Variants in CDK17 observed in about 807,000 individuals in gnomAD.
CDK17 encodes the protein cyclin dependent kinase 17.
A neutral mutation model predicts 77.6 loss-of-function variants in CDK17; 24 were observed. The ratio of observed to expected loss-of-function variants is 0.31; its 90% CI spans 0.22 to 0.44. The LOEUF is 0.44. CDK17 is among the 20% of genes least tolerant of loss of function. CDK17 has a pLI of 1.00. For missense variants in CDK17, 429 were observed against 622.5 expected (o/e 0.69, Z 3.31); for synonymous variants, 203 against 210.4 (o/e 0.96, Z 0.30).
chr12:96,286,652 T>A lies in CDK17; in HGVS notation c.1216+12A>T. Reference sequence around the variant, plus strand: ...GGGTGCAAAATCACTGGGAAAAGATTTCTTCTGTTACCTAGCAGTCGGAAA... The same window carrying A: ...GGGTGCAAAATCACTGGGAAAAGATATCTTCTGTTACCTAGCAGTCGGAAA... On this transcript the variant is annotated intron_variant, in intron 12 of 16. Coordinates refer to ENST00000261211, the MANE Select transcript of CDK17 (RefSeq NM_002595.5). The A allele has an allele frequency of 6.3e-7, 1 of 1,598,064 alleles. No individual in the cohort carries two copies. Among genetic ancestry groups the A allele is most frequent in the Non-Finnish European group, 8.6e-7 (1 of 1,165,780 alleles).
chr12:96,287,680 T>G (rs1952264696), intron 11 of CDK17, among the ~76,000 whole-genome samples: 1 of 150,896 alleles, frequency 6.6e-6, no homozygotes, highest in Non-Finnish European at 1.5e-5. Flanking sequence ...GAGAGAGAGA[T>G]AATTGAAAGC....
chr12:96,298,070 C>A (rs1592711500), intron 7 of CDK17, among the ~76,000 whole-genome samples: 1 of 152,042 alleles, frequency 6.6e-6, no homozygotes, highest in Non-Finnish European at 1.5e-5. Flanking sequence ...GCGGGCGGAT[C>A]GTGAGGTCAG....
intron 1 of CDK17, among the ~76,000 whole-genome samples, chr12:96,380,723 T>C (rs373193904): frequency 2.0e-5 from 3 of 152,206 alleles, no homozygotes; most frequent in African/African-American, 4.8e-5. Context: ...GGCTTCACTA[T>C]AGAAAACAAT....
At chr12:96,315,696 A>AATACCT (rs1487454720) in intron 3 of CDK17, among the ~76,000 whole-genome samples, 2 of 152,230 alleles carry the variant, frequency 1.3e-5, no homozygotes, top group African/African-American at 2.4e-5. Context: ...ATGTATTGGT[A>AATACCT]ATACCTAGGA....
chr12:96,366,050 A>G (rs1953578325), intron 1 of CDK17, among the ~76,000 whole-genome samples: 1 of 152,158 alleles, frequency 6.6e-6, no homozygotes, highest in East Asian at 1.9e-4. Flanking sequence ...CACAATTAGT[A>G]AGGAAAATTT....
chr12:96,309,184 A>C (rs757692739), intron 5 of CDK17, among the ~76,000 whole-genome samples: 56 of 152,110 alleles, frequency 3.7e-4, no homozygotes, highest in Non-Finnish European at 7.1e-4. Context: ...ATTACCCTTC[A>C]TATCAGTTCT....
At position 96,313,356 on chromosome 12, in the gene CDK17, G is replaced by C; in HGVS notation, c.382C>G (p.Leu128Val). Reference protein sequence around the residue: ...DEVQSPTGVCLRNRIHRRISM... With the variant: ...DEVQSPTGVCVRNRIHRRISM... ...ATCCGTCTATGTATACGATTTCTGA[G>C]ACAAACACCTGTAGGTGACTGGACT... Residue 128 changes from leucine (L) to valine (V), a missense_variant, in exon 4 of 17, where the codon CTC (leucine) becomes GTC (valine). Physicochemically the swap from Leu to Val is conservative, Grantham distance 32 (BLOSUM62 1). Transcript: ENST00000261211. 6.3e-7 allele frequency: 1 copy of C among 1,596,848 alleles called. No individual in the cohort carries two copies.
Position 96,295,081 on chromosome 12 carries a change from A to T in CDK17, c.915T>A (p.His305Gln). 6.2e-7 allele frequency: 1 copy of T among 1,611,058 alleles called. No homozygotes were observed. Among genetic ancestry groups the T allele is most frequent in the South Asian group, 1.1e-5 (1 of 90,794 alleles). The change falls in exon 10 of 17, where the codon CAT (histidine) becomes CAA (glutamine). Residue 305 changes from histidine to glutamine, a missense_variant. This residue lies in a region of CDK17 where 262 missense variants were observed against 385.4 expected (regional missense o/e 0.68). Transcript: ENST00000261211. Reference protein sequence around the residue: ...YQILRGLAYCHRRKVLHRDLK... With the variant: ...YQILRGLAYCQRRKVLHRDLK... Reference sequence around the variant, plus strand: ...AGTCTCGATGCAATACCTTTCTTCTATGGCAATATGCCAAACCACGTAGAA... The same window carrying T: ...AGTCTCGATGCAATACCTTTCTTCTTTGGCAATATGCCAAACCACGTAGAA...
intron 1 of CDK17, among the ~76,000 whole-genome samples, chr12:96,362,136 C>T (rs1233608691): frequency 1.3e-5 from 2 of 152,158 alleles, no homozygotes; most frequent in African/African-American, 4.8e-5. Flanking sequence ...ACTATGACTT[C>T]ATGTGTCCTT....
intron 5 of CDK17, among the ~76,000 whole-genome samples, chr12:96,300,805 ATATC>A (rs1198710745): frequency 2.6e-5 from 4 of 152,254 alleles, no homozygotes; most frequent in South Asian, 4.1e-4. Flanking sequence ...AAATGGTTGA[ATATC>A]TATCAAGTTT....
At chr12:96,284,914 T>A (rs903534294) in intron 13 of CDK17, among the ~76,000 whole-genome samples, 1 of 152,140 alleles carries the variant, frequency 6.6e-6, no homozygotes, top group African/African-American at 2.4e-5. Context: ...ACAGGTTCTA[T>A]CTTACACTGC....
chr12:96,340,120 T>A (rs1399734152), intron 1 of CDK17, among the ~76,000 whole-genome samples: 1 of 151,878 alleles, frequency 6.6e-6, no homozygotes, highest in Non-Finnish European at 1.5e-5. Context: ...ATATGCTCTA[T>A]GTCAGCATGG....
rs1319599340 is a variant in CDK17 at position 96,278,463 on chromosome 12, C to T, written c.*1779G>A. 1 of 152,352 alleles carries T rather than the reference C, an allele frequency of 6.6e-6. No individual in the cohort carries two copies. The highest frequency in any genetic ancestry group is 2.4e-5 in the African/African-American group (1 of 41,442). The allele number at this position is 152,352 out of a possible 1,614,324, so 9.4% of individuals were successfully genotyped here. ...TAACACCTCTAGCACAGTGAGACTT[C>T]ATTATCTTAAGAACGACCCATAAAA... On this transcript the variant is annotated 3_prime_UTR_variant, in exon 17 of 17. Coordinates refer to ENST00000261211, the MANE Select transcript of CDK17 (RefSeq NM_002595.5).
At position 96,323,953 on chromosome 12, in the gene CDK17, C is replaced by T; in HGVS notation, c.278G>A (p.Arg93Lys). 6.3e-7 allele frequency: 1 copy of T among 1,582,142 alleles called. No individual in the cohort carries two copies. Among genetic ancestry groups the T allele is most frequent in the Non-Finnish European group, 8.6e-7 (1 of 1,164,024 alleles). Residue 93 changes from arginine to lysine, a missense_variant, in exon 3 of 17, where the codon AGA (arginine) becomes AAA (lysine). Physicochemically the swap from Arg to Lys is conservative, Grantham distance 26. Transcript: ENST00000261211. ...SFMAMPRNGSRLDIVHENLKM... is the reference protein window; with the variant it reads ...SFMAMPRNGSKLDIVHENLKM... ...CAGACAAGTAATCAAATTACCTAAT[C>T]TGCTTCCATTTCTGGGCATTGCCAT...
intron 1 of CDK17, among the ~76,000 whole-genome samples, chr12:96,345,513 C>T (rs1022510912): frequency 5.9e-5 from 9 of 152,112 alleles, no homozygotes; most frequent in Admixed American, 1.3e-4. Context: ...TTTTAGTAAT[C>T]GCCATTCGAC....
intron 1 of CDK17, among the ~76,000 whole-genome samples, chr12:96,351,888 C>T (rs979246044): frequency 6.6e-6 from 1 of 152,088 alleles, no homozygotes; most frequent in African/African-American, 2.4e-5. Flanking sequence ...TAGACGCTCA[C>T]AAAAGACTGT....
intron 1 of CDK17, among the ~76,000 whole-genome samples, chr12:96,388,492 A>G (rs1051049221): frequency 1.3e-5 from 2 of 152,228 alleles, no homozygotes; most frequent in African/African-American, 2.4e-5. Context: ...GAGTAGAGGC[A>G]TATTAGAAAA....
intron 10 of CDK17, among the ~76,000 whole-genome samples, chr12:96,293,725 A>G (rs1413438649): frequency 2.0e-5 from 3 of 152,220 alleles, no homozygotes; most frequent in Non-Finnish European, 4.4e-5. Context: ...TGCATTAGCC[A>G]TTTGGAAAAC....
intron 1 of CDK17, among the ~76,000 whole-genome samples, chr12:96,345,586 T>A (rs1433432417): frequency 6.6e-6 from 1 of 152,194 alleles, no homozygotes; most frequent in Non-Finnish European, 1.5e-5. Context: ...TAAAAAAAAT[T>A]ATAAATCTGC....
Sources: gnomAD v4.1 joint callset for allele counts (sites outside exome capture counted in the v4.1 genomes callset) on GRCh38, gnomAD v4.1.1 for gene constraint, gnomAD v4.1.1 regional missense constraint, MANE v1.5 for transcripts, NCBI Gene and HGNC (gene_info 2026-07-23, HGNC 2026-07-21) for gene names.